Variants in ZNF385B observed in about 807,000 individuals in gnomAD.
The protein encoded by ZNF385B is zinc finger protein 533.
Under a neutral mutation model 39.2 loss-of-function variants are expected in ZNF385B, and 23 were observed. The ratio of observed to expected loss-of-function variants is 0.59; its 90% CI spans 0.42 to 0.83. The LOEUF (loss-of-function observed/expected upper bound fraction) is 0.83, where lower values mean the gene tolerates loss of function less well. Ranked by LOEUF, ZNF385B falls within the 40% of genes least tolerant of loss-of-function variation. ZNF385B has a pLI of 0.00. For missense variants in ZNF385B, 552 were observed against 598.9 expected (o/e 0.92, Z 0.82); for synonymous variants, 205 against 222.6 (o/e 0.92, Z 0.70).
chr2:179,720,055 CAG>C (rs1700582405), intron 3 of ZNF385B, among the ~76,000 whole-genome samples: 1 of 152,116 alleles, frequency 6.6e-6, no homozygotes, highest in African/African-American at 2.4e-5. Flanking sequence ...CAGTATTGAA[CAG>C]AGCTAATGTT....
intron 6 of ZNF385B, among the ~76,000 whole-genome samples, chr2:179,465,302 A>G (rs992130777): frequency 6.6e-6 from 1 of 152,126 alleles, no homozygotes; most frequent in African/African-American, 2.4e-5. Flanking sequence ...TGGGCATTAC[A>G]TGATCTAATT....
At chr2:179,696,731 T>C (rs1045242805) in intron 3 of ZNF385B, among the ~76,000 whole-genome samples, 1 of 152,112 alleles carries the variant, frequency 6.6e-6, no homozygotes, top group Non-Finnish European at 1.5e-5. Context: ...AAAAAAACTA[T>C]AGAAGGAAGC....
At chr2:179,626,721 A>T (rs553217107) in intron 3 of ZNF385B, among the ~76,000 whole-genome samples, 14 of 152,298 alleles carry the variant, frequency 9.2e-5, no homozygotes, top group African/African-American at 3.1e-4. Flanking sequence ...AGATTTCTTC[A>T]CTAAAGAAAT....
At chr2:179,734,322 G>A (rs1701599761) in intron 3 of ZNF385B, among the ~76,000 whole-genome samples, 2 of 152,174 alleles carry the variant, frequency 1.3e-5, no homozygotes, top group Admixed American at 1.3e-4. Flanking sequence ...TGGGTCAAAA[G>A]AGATACACCT....
chr2:179,537,916 G>T (rs1240365642), intron 4 of ZNF385B, among the ~76,000 whole-genome samples: 2 of 151,558 alleles, frequency 1.3e-5, no homozygotes, highest in Non-Finnish European at 2.9e-5. Flanking sequence ...TGTTGCTGTT[G>T]AGTTATCTAA....
At chr2:179,673,400 A>G (rs1483420949) in intron 3 of ZNF385B, among the ~76,000 whole-genome samples, 1 of 152,212 alleles carries the variant, frequency 6.6e-6, no homozygotes, top group Non-Finnish European at 1.5e-5. Flanking sequence ...TTAAAGTTAT[A>G]AAGTATAGTA....
chr2:179,783,264 T>C (rs1335018495), intron 1 of ZNF385B, among the ~76,000 whole-genome samples: 2 of 152,100 alleles, frequency 1.3e-5, no homozygotes, highest in African/African-American at 4.8e-5. Flanking sequence ...TGTGCTGCGA[T>C]AACTTGCTAG....
intron 1 of ZNF385B, among the ~76,000 whole-genome samples, chr2:179,820,292 G>T (rs554667055): frequency 6.6e-6 from 1 of 152,082 alleles, no homozygotes; most frequent in African/African-American, 2.4e-5. Flanking sequence ...TTGCATAAAG[G>T]TATTTGCATA....
At chr2:179,480,743 TTATAAG>T (rs1043662703) in intron 6 of ZNF385B, among the ~76,000 whole-genome samples, 2 of 152,136 alleles carry the variant, frequency 1.3e-5, no homozygotes, top group Non-Finnish European at 2.9e-5. Flanking sequence ...GGTGTAGCTT[TTATAAG>T]TATAATAGAA....
intron 1 of ZNF385B, among the ~76,000 whole-genome samples, chr2:179,819,962 T>C (rs940372731): frequency 1.3e-5 from 2 of 152,146 alleles, no homozygotes; most frequent in Non-Finnish European, 2.9e-5. Context: ...TAGCACATTT[T>C]AAAAAAATGT....
rs191622159 is a variant in ZNF385B, at chr2:179,639,671, A to G, written c.299-94702T>C. Among the ~76,000 whole-genome samples the G allele has an allele frequency of 1.8e-4, 27 of 152,286 alleles. 1 individual carries two copies. Among genetic ancestry groups the G allele is most frequent in the Admixed American group, 1.7e-3 (26 of 15,282 alleles). Reference sequence around the variant, plus strand: ...GGGAAAGCCAGGCAAATGAACTAATACATGTAAAAGTAATGGTAGAAACAG... The same window carrying G: ...GGGAAAGCCAGGCAAATGAACTAATGCATGTAAAAGTAATGGTAGAAACAG... On this transcript the variant is annotated intron_variant, in intron 3 of 9. Coordinates refer to ENST00000410066, the MANE Select transcript of ZNF385B (RefSeq NM_152520.6).
At chr2:179,795,720 T>C (rs544267623) in intron 1 of ZNF385B, among the ~76,000 whole-genome samples, 6 of 152,192 alleles carry the variant, frequency 3.9e-5, no homozygotes, top group Non-Finnish European at 8.8e-5. Flanking sequence ...ATGGTCTCAG[T>C]GACTTGAGTT....
At chr2:179,712,217 C>G (rs996838229) in intron 3 of ZNF385B, among the ~76,000 whole-genome samples, 2 of 152,154 alleles carry the variant, frequency 1.3e-5, no homozygotes, top group Non-Finnish European at 1.5e-5. Flanking sequence ...ACTGATAATA[C>G]TATGATTTCT....
At chr2:179,535,571 T>G (rs904493754) in intron 4 of ZNF385B, among the ~76,000 whole-genome samples, 1 of 152,226 alleles carries the variant, frequency 6.6e-6, no homozygotes, top group African/African-American at 2.4e-5. Flanking sequence ...GTAATCTATT[T>G]CATATGTGGG....
At chr2:179,584,069 T>A in intron 3 of ZNF385B, 1 of 595,534 alleles carries the variant, frequency 1.7e-6, no homozygotes, top group Non-Finnish European at 2.9e-6. Context: ...TATAGTCTAC[T>A]GGGAGAAACA....
chr2:179,657,267 C>G (rs1693889214), intron 3 of ZNF385B, among the ~76,000 whole-genome samples: 1 of 152,182 alleles, frequency 6.6e-6, no homozygotes, highest in Admixed American at 6.5e-5. Flanking sequence ...GTGGCCATCA[C>G]CCTATTATTG....
intron 3 of ZNF385B, among the ~76,000 whole-genome samples, chr2:179,671,682 T>C (rs1056739275): frequency 1.3e-5 from 2 of 152,210 alleles, no homozygotes; most frequent in African/African-American, 4.8e-5. Flanking sequence ...AACTTCATTG[T>C]AGCCCTGTTC....
rs148790849 is a variant in ZNF385B at position 179,727,436 on chromosome 2, A to G, written c.298+42067T>C. Among the ~76,000 whole-genome samples the G allele has an allele frequency of 7.2e-3, 1,098 of 152,130 alleles. 11 individuals carry two copies. Among genetic ancestry groups the G allele is most frequent in the African/African-American group, 0.024 (1,005 of 41,558 alleles). ...TATAATGACACACTTGGGAAGTCCT[A>G]TATAATAAGGAAAATAATATCTGAA... On this transcript the variant is annotated intron_variant, in intron 3 of 9. Transcript: ENST00000410066.
intron 5 of ZNF385B, among the ~76,000 whole-genome samples, chr2:179,500,799 G>A (rs1387322325): frequency 1.3e-5 from 2 of 152,038 alleles, no homozygotes; most frequent in Admixed American, 6.6e-5. Context: ...ATAAAGTGAA[G>A]AGACAACCCA....
Sources: gnomAD v4.1 joint callset for allele counts (sites outside exome capture counted in the v4.1 genomes callset) on GRCh38, gnomAD v4.1.1 for gene constraint, MANE v1.5 for transcripts, NCBI Gene and HGNC (gene_info 2026-07-23, HGNC 2026-07-21) for gene names.